CCL28: variants seen among roughly 807,000 people sequenced by gnomAD.
The protein encoded by CCL28 is C-C motif chemokine ligand 28, also known as C-C motif chemokine 28.
Under a neutral mutation model 7.1 loss-of-function variants are expected in CCL28, and 4 were observed. That is an observed-to-expected ratio of 0.56 (90% confidence interval 0.28 to 1.29). The LOEUF is 1.29. Among genes scored for constraint, CCL28 ranks in the 50% most tolerant of loss-of-function variants. The pLI is 0.11. For synonymous variants in CCL28, 55 were observed against 57.8 expected (o/e 0.95, Z 0.22); for missense variants, 151 against 163.4 (o/e 0.92, Z 0.41).
intron 1 of CCL28, among the ~76,000 whole-genome samples, chr5:43,410,971 A>G (rs530094884): frequency 6.6e-6 from 1 of 152,358 alleles, no homozygotes; most frequent in Non-Finnish European, 1.5e-5. Context: ...GTATAAGCCC[A>G]GTACATTGAC....
chr5:43,359,490 G>A, the CCL28 span, among the ~76,000 whole-genome samples: 1 of 152,192 alleles, frequency 6.6e-6, no homozygotes, highest in Non-Finnish European at 1.5e-5. Context: ...CCTGGGTCGG[G>A]CAGGTGTTCC....
At chr5:43,363,495 T>C in the CCL28 span, among the ~76,000 whole-genome samples, 1 of 152,200 alleles carries the variant, frequency 6.6e-6, no homozygotes, top group Admixed American at 6.5e-5. Context: ...AGGCTCAGAT[T>C]CCATACCCTG....
downstream of CCL28, among the ~76,000 whole-genome samples, chr5:43,375,510 C>T (rs112214363): frequency 6.1e-5 from 7 of 114,784 alleles, no homozygotes; most frequent in African/African-American, 2.4e-4. Context: ...ATAGAAAAGT[C>T]ATTGCCCACT....
At chr5:43,393,782 T>C (rs1291923339) in intron 1 of CCL28, among the ~76,000 whole-genome samples, 2 of 152,218 alleles carry the variant, frequency 1.3e-5, no homozygotes, top group African/African-American at 4.8e-5. Flanking sequence ...TAGCTATATA[T>C]ATCCAAGGCC....
chr5:43,405,712 G>GT (rs780593163), intron 1 of CCL28, among the ~76,000 whole-genome samples: 6 of 152,124 alleles, frequency 3.9e-5, no homozygotes, highest in African/African-American at 1.2e-4. Flanking sequence ...CCAGGAGCTG[G>GT]TTTTTTGAAA....
the CCL28 span, among the ~76,000 whole-genome samples, chr5:43,368,313 T>C: frequency 1.3e-5 from 2 of 152,354 alleles, no homozygotes; most frequent in Admixed American, 6.5e-5. Context: ...AAGCTGCTAG[T>C]TGCCCGCAAT....
At chr5:43,376,246 T>A (rs140272022), downstream of CCL28, among the ~76,000 whole-genome samples, 863 of 152,308 alleles carry the variant, frequency 5.7e-3, 13 homozygotes, top group African/African-American at 0.018. Context: ...AATTTTGAAA[T>A]CTACCTTAGA....
At chr5:43,405,728 A>C (rs1336166296) in intron 1 of CCL28, among the ~76,000 whole-genome samples, 1 of 152,216 alleles carries the variant, frequency 6.6e-6, no homozygotes, top group African/African-American at 2.4e-5. Flanking sequence ...TGAAAAGATC[A>C]ACAAAATTGA....
intron 1 of CCL28, among the ~76,000 whole-genome samples, chr5:43,399,106 G>T (rs577161289): frequency 1.3e-5 from 2 of 152,236 alleles, no homozygotes; most frequent in Non-Finnish European, 1.5e-5. Flanking sequence ...CAACAGAGCC[G>T]CAACTGAAGA....
At position 43,381,197 on chromosome 5, in the gene CCL28, GGAGA is replaced by G. The variant is rs1740097541; in HGVS notation, c.*659_*662del. 1 of 152,000 alleles carries G rather than the reference GGAGA, an allele frequency of 6.6e-6. No individual in the cohort carries two copies. The highest frequency in any genetic ancestry group is 2.4e-5 in the African/African-American group (1 of 41,388). 9.4% of individuals were successfully genotyped at this position (152,000 alleles called of 1,614,324 possible). ...TTATATAGAAACACATACAAAGAGA[GGAGA>G]GAGAAAGCAAATGTGACACAATATT... On this transcript the variant is annotated 3_prime_UTR_variant, in exon 3 of 3. Transcript: ENST00000361115.
At chr5:43,357,469 A>G in the CCL28 span, among the ~76,000 whole-genome samples, 1 of 152,236 alleles carries the variant, frequency 6.6e-6, no homozygotes, top group African/African-American at 2.4e-5. Flanking sequence ...GTCAGAAAAG[A>G]TTAAGAGTTG....
chr5:43,366,669 G>A, the CCL28 span, among the ~76,000 whole-genome samples: 2 of 152,252 alleles, frequency 1.3e-5, no homozygotes, highest in Non-Finnish European at 2.9e-5. Context: ...CAGAGCTCAA[G>A]TGCTATGCTG....
chr5:43,363,499 T>C, the CCL28 span, among the ~76,000 whole-genome samples: 1 of 152,236 alleles, frequency 6.6e-6, no homozygotes, highest in Non-Finnish European at 1.5e-5. Flanking sequence ...TCAGATTCCA[T>C]ACCCTGAGTG....
At chr5:43,368,802 G>A in the CCL28 span, among the ~76,000 whole-genome samples, 1 of 152,138 alleles carries the variant, frequency 6.6e-6, no homozygotes, top group Non-Finnish European at 1.5e-5. Context: ...AAGCCAAGGA[G>A]AGAGGTGTGG....
At position 43,381,057 on chromosome 5, in the gene CCL28, T is replaced by C. The variant is rs1740092571; in HGVS notation, c.*803A>G. On this transcript the variant is annotated 3_prime_UTR_variant, in exon 3 of 3. Coordinates refer to ENST00000361115, the MANE Select transcript of CCL28 (RefSeq NM_148672.3). ...ATTATGTAGAAAAATGTCTTTATTT[T>C]AGGGTATGTCAAGTTATAACACCAA... 1 of 151,348 alleles carries C rather than the reference T, an allele frequency of 6.6e-6. No individual in the cohort carries two copies. Among genetic ancestry groups the C allele is most frequent in the East Asian group, 1.9e-4 (1 of 5,196 alleles). The allele number at this position is 151,348 out of a possible 1,614,324, so 9.4% of individuals were successfully genotyped here.
the CCL28 span, among the ~76,000 whole-genome samples, chr5:43,371,555 G>A: frequency 6.6e-6 from 1 of 152,196 alleles, no homozygotes; most frequent in Admixed American, 6.5e-5. Context: ...ACAGCTCATG[G>A]AGAGACCCAC....
downstream of CCL28, among the ~76,000 whole-genome samples, chr5:43,375,746 C>CT (rs1474475057): frequency 6.6e-6 from 1 of 152,046 alleles, no homozygotes; most frequent in Non-Finnish European, 1.5e-5. Context: ...AATCCCAGCA[C>CT]TTTGGGAGGC....
Position 43,380,656 on chromosome 5 carries a change from G to A in CCL28, c.*1204C>T, listed in dbSNP as rs1236983510. The A allele has an allele frequency of 6.6e-6, 1 of 151,962 alleles. No homozygotes were observed. The highest frequency in any genetic ancestry group is 1.5e-5 in the Non-Finnish European group (1 of 68,048). The allele number at this position is 151,962 out of a possible 1,614,324, so 9.4% of individuals were successfully genotyped here. ...TCTCTACAAAAAATAAACAAAATTAGCCAGGTGTGGTGGGTATGCACCTTG... is the reference window on the plus strand; with the variant it reads ...TCTCTACAAAAAATAAACAAAATTAACCAGGTGTGGTGGGTATGCACCTTG... On this transcript the variant is annotated 3_prime_UTR_variant, in exon 3 of 3. Transcript: ENST00000361115.
intron 1 of CCL28, among the ~76,000 whole-genome samples, chr5:43,402,227 C>A (rs1741066790): frequency 6.6e-6 from 1 of 152,136 alleles, no homozygotes; most frequent in Admixed American, 6.5e-5. Flanking sequence ...ATCTGCTTTT[C>A]CTACATTCCT....
Sources: allele counts gnomAD v4.1 joint callset (sites outside exome capture counted in the v4.1 genomes callset), GRCh38; gene constraint gnomAD v4.1.1; transcripts MANE v1.5; gene names NCBI Gene and HGNC (gene_info 2026-07-23, HGNC 2026-07-21).